Variants in CNTN6 observed in about 807,000 individuals in gnomAD.
CNTN6 encodes contactin-6.
In CNTN6, 137 loss-of-function variants were observed where a neutral mutation model predicts 122.8. That is an observed-to-expected ratio of 1.12 (90% confidence interval 0.97 to 1.29). CNTN6 has a LOEUF of 1.29. Ranked by LOEUF, CNTN6 falls within the 50% of genes most tolerant of loss-of-function variation. The pLI is 0.00. For missense variants in CNTN6, 1,634 were observed against 1,223.4 expected (o/e 1.34, Z -5.01); for synonymous variants, 570 against 426.0 (o/e 1.34, Z -4.16).
chr3:1,097,689 T>C (rs1002452399), intron 1 of CNTN6, among the ~76,000 whole-genome samples: 3 of 152,162 alleles, frequency 2.0e-5, no homozygotes, highest in Non-Finnish European at 2.9e-5. Context: ...AATATTAGTA[T>C]TGACTTTACA....
intron 7 of CNTN6, among the ~76,000 whole-genome samples, chr3:1,317,957 C>T (rs759015593): frequency 6.7e-6 from 1 of 149,952 alleles, no homozygotes; most frequent in Non-Finnish European, 1.5e-5. Context: ...TTCTTGTAAC[C>T]ATCTTCAAAA....
chr3:1,342,513 G>A (rs1332497066), intron 11 of CNTN6, among the ~76,000 whole-genome samples: 6 of 152,100 alleles, frequency 3.9e-5, no homozygotes, highest in Admixed American at 3.3e-4. Context: ...GTCACTTCAT[G>A]TAGGTTTTCA....
chr3:1,095,084 C>T (rs1451434944), intron 1 of CNTN6, among the ~76,000 whole-genome samples: 1 of 151,802 alleles, frequency 6.6e-6, no homozygotes, highest in African/African-American at 2.4e-5. Flanking sequence ...TCTTACTATA[C>T]ACCTTTTAAA....
intron 1 of CNTN6, among the ~76,000 whole-genome samples, chr3:1,137,147 T>C (rs11128543): frequency 0.59 from 90,104 of 151,998 alleles, 28,000 homozygotes; most frequent in African/African-American, 0.78. Flanking sequence ...TGGTATAGTG[T>C]AGAGATGGTA....
intron 4 of CNTN6, among the ~76,000 whole-genome samples, chr3:1,248,691 G>A (rs567429235): frequency 3.7e-4 from 56 of 151,944 alleles, no homozygotes; most frequent in African/African-American, 1.3e-3. Context: ...GTGGTGGTGG[G>A]CGCCTGTAAT....
At chr3:1,274,275 A>G (rs1313380943) in intron 4 of CNTN6, among the ~76,000 whole-genome samples, 1 of 152,190 alleles carries the variant, frequency 6.6e-6, no homozygotes, top group African/African-American at 2.4e-5. Context: ...AATAGTTCAC[A>G]TCAACAGCGC....
chr3:1,234,682 C>A (rs73109270), intron 4 of CNTN6, among the ~76,000 whole-genome samples: 19,644 of 149,580 alleles, frequency 0.13, 2,051 homozygotes, highest in African/African-American at 0.29. Flanking sequence ...GGCTTTTAAC[C>A]TTTTTTCTAC....
chr3:1,402,413 A>T lies in CNTN6; in HGVS notation c.2913A>T (p.Leu971Phe), dbSNP rs766502955. 7.3e-5 allele frequency: 117 copies of T among 1,612,452 alleles called. 1 individual carries two copies. Among genetic ancestry groups the T allele is most frequent in the Middle Eastern group, 1.6e-4 (1 of 6,066 alleles). ...TGGTTCCATTTGAAGAAGACTACTT[A>T]ATTGAAATAAGAACAGTCAGTGATG... ...ELLVPFEEDY[L>F]IEIRTVSDGG... is the part of the protein sequence containing the mutation. The change falls in exon 22 of 23, where the codon TTA (leucine) becomes TTT (phenylalanine). Residue 971 changes from leucine (L) to phenylalanine (F), a missense_variant. Physicochemically the swap from Leu to Phe is conservative, Grantham distance 22 (BLOSUM62 0). Transcript: ENST00000446702.
At chr3:1,243,899 T>C (rs562613126) in intron 4 of CNTN6, among the ~76,000 whole-genome samples, 21 of 151,794 alleles carry the variant, frequency 1.4e-4, no homozygotes, top group South Asian at 6.3e-4. Flanking sequence ...CAGCGATGCT[T>C]GGGGTTGGGA....
chr3:1,163,697 A>T (rs746326964), intron 2 of CNTN6, among the ~76,000 whole-genome samples: 4 of 152,216 alleles, frequency 2.6e-5, no homozygotes, highest in Non-Finnish European at 4.4e-5. Flanking sequence ...GATTACAGGC[A>T]TGAGCTACTG....
At chr3:1,175,222 C>CAAAAAAAAAAAAAAAAAAAAAAAAAAAA in intron 2 of CNTN6, among the ~76,000 whole-genome samples, 1 of 76,848 alleles carries the variant, frequency 1.3e-5, no homozygotes, top group Non-Finnish European at 2.5e-5. Context: ...GACTTTGTCT[C>CAAAAAAAAAAAAAAAAAAAAAAAAAAAA]AAAAAAAAAA....
chr3:1,294,275 A>T (rs940710772), intron 5 of CNTN6, among the ~76,000 whole-genome samples: 1 of 152,216 alleles, frequency 6.6e-6, no homozygotes, highest in African/African-American at 2.4e-5. Context: ...ATATAATGGA[A>T]GAAAGGGCTT....
chr3:1,173,359 A>G, intron 2 of CNTN6: 1 of 453,736 alleles, frequency 2.2e-6, no homozygotes, highest in South Asian at 1.6e-5. Flanking sequence ...GCCTTTACTA[A>G]GCTTTACAGC....
chr3:1,375,697 G>A (rs1709756464), intron 16 of CNTN6, among the ~76,000 whole-genome samples: 1 of 152,002 alleles, frequency 6.6e-6, no homozygotes, highest in Non-Finnish European at 1.5e-5. Context: ...TTGATCAAAG[G>A]CATTGGAAGT....
At chr3:1,152,700 G>T (rs1276839965) in intron 2 of CNTN6, among the ~76,000 whole-genome samples, 1 of 151,928 alleles carries the variant, frequency 6.6e-6, no homozygotes, top group East Asian at 1.9e-4. Context: ...TCAAAATTTA[G>T]TTCCAATCTT....
At chr3:1,103,502 T>G (rs140616481) in intron 1 of CNTN6, among the ~76,000 whole-genome samples, 1 of 152,248 alleles carries the variant, frequency 6.6e-6, no homozygotes, top group Non-Finnish European at 1.5e-5. Flanking sequence ...GTGGCAAAAG[T>G]ATTATTTTTA....
At chr3:1,317,503 A>G (rs1700257441) in intron 7 of CNTN6, among the ~76,000 whole-genome samples, 1 of 151,976 alleles carries the variant, frequency 6.6e-6, no homozygotes, top group Admixed American at 6.6e-5. Flanking sequence ...GGGGGTGGGC[A>G]TCAAGCATGC....
chr3:1,256,145 A>G (rs748637430), intron 4 of CNTN6, among the ~76,000 whole-genome samples: 4 of 152,152 alleles, frequency 2.6e-5, no homozygotes, highest in Admixed American at 6.6e-5. Flanking sequence ...TGCTGCGATT[A>G]CAGGCATGAG....
chr3:1,163,415 C>G (rs2093177988), intron 2 of CNTN6, among the ~76,000 whole-genome samples: 2 of 152,118 alleles, frequency 1.3e-5, no homozygotes, highest in African/African-American at 4.8e-5. Flanking sequence ...CCTCATGTGC[C>G]AGCCTTGAAA....
Sources: gnomAD v4.1 joint callset for allele counts (sites outside exome capture counted in the v4.1 genomes callset) on GRCh38, gnomAD v4.1.1 for gene constraint, MANE v1.5 for transcripts, NCBI Gene and HGNC (gene_info 2026-07-23, HGNC 2026-07-21) for gene names.